The following PTPRT variants were observed in gnomAD, a reference collection of about 807,000 sequenced individuals.
The protein encoded by PTPRT is receptor-type tyrosine-protein phosphatase T.
Under a neutral mutation model 176.8 loss-of-function variants are expected in PTPRT, and 56 were observed. That is an observed-to-expected ratio of 0.32 (90% CI 0.26 to 0.40). The LOEUF is 0.40. Ranked by LOEUF, PTPRT falls within the 10% of genes least tolerant of loss-of-function variation. PTPRT has a pLI of 1.00. For synonymous variants in PTPRT, 783 were observed against 739.0 expected (o/e 1.06, Z -0.96); for missense variants, 1,540 against 1,908.2 (o/e 0.81, Z 3.60).
intron 2 of PTPRT, among the ~76,000 whole-genome samples, chr20:42,846,106 C>T (rs547255539): frequency 2.0e-5 from 3 of 152,300 alleles, no homozygotes; most frequent in South Asian, 2.1e-4. Context: ...TCACCCAGAA[C>T]CATGGATGCC....
At chr20:42,344,210 A>T (rs1362108716) in intron 11 of PTPRT, among the ~76,000 whole-genome samples, 5 of 152,204 alleles carry the variant, frequency 3.3e-5, no homozygotes, top group Non-Finnish European at 7.3e-5. Context: ...CCCAAAGAGC[A>T]TGTTGAACAA....
chr20:42,142,351 A>G (rs1282596130), intron 17 of PTPRT, among the ~76,000 whole-genome samples: 1 of 152,242 alleles, frequency 6.6e-6, no homozygotes, highest in African/African-American at 2.4e-5. Flanking sequence ...GGATATAGAG[A>G]AACAGACAAG....
At chr20:42,918,808 G>T (rs992558347) in intron 1 of PTPRT, among the ~76,000 whole-genome samples, 1 of 151,932 alleles carries the variant, frequency 6.6e-6, no homozygotes, top group South Asian at 2.1e-4. Flanking sequence ...TACTAGCTTC[G>T]AGTTTTGTGT....
intron 1 of PTPRT, among the ~76,000 whole-genome samples, chr20:43,045,273 TCCCTTC>T (rs1986785013): frequency 6.6e-6 from 1 of 152,138 alleles, no homozygotes; most frequent in East Asian, 1.9e-4. Flanking sequence ...CTAAAATTCC[TCCCTTC>T]AGTTAATTTC....
chr20:42,724,382 T>C (rs926479), intron 6 of PTPRT, among the ~76,000 whole-genome samples: 147,232 of 152,300 alleles, frequency 0.97, 71,204 homozygotes, highest in East Asian at 1. Context: ...CCTCTGGTGG[T>C]CAGTGGGGCT....
intron 1 of PTPRT, among the ~76,000 whole-genome samples, chr20:42,906,955 T>C (rs544599634): frequency 6.6e-6 from 1 of 152,102 alleles, no homozygotes; most frequent in Admixed American, 6.5e-5. Context: ...AGTTCAAAAT[T>C]ACCGCATCTA....
intron 1 of PTPRT, among the ~76,000 whole-genome samples, chr20:42,933,751 T>G (rs73907409): frequency 0.012 from 1,802 of 152,306 alleles, 33 homozygotes; most frequent in African/African-American, 0.041. Context: ...TGATTTACTT[T>G]AAAATGCAAC....
intron 4 of PTPRT, among the ~76,000 whole-genome samples, chr20:42,779,807 G>A (rs976794434): frequency 6.6e-6 from 1 of 151,378 alleles, no homozygotes; most frequent in Admixed American, 6.6e-5. Flanking sequence ...TTCCCTGTGA[G>A]GGAACAGTGT....
chr20:42,236,891 T>C (rs1216270281), intron 14 of PTPRT, among the ~76,000 whole-genome samples: 1 of 151,972 alleles, frequency 6.6e-6, no homozygotes, highest in Non-Finnish European at 1.5e-5. Context: ...ACTGACCCTG[T>C]GTGAATAGAA....
chr20:42,976,065 T>C (rs1164418542), intron 1 of PTPRT, among the ~76,000 whole-genome samples: 1 of 152,156 alleles, frequency 6.6e-6, no homozygotes, highest in African/African-American at 2.4e-5. Flanking sequence ...AAAATGAATG[T>C]ATACAGAGAG....
At chr20:42,166,945 G>T (rs1989851510) in intron 16 of PTPRT, among the ~76,000 whole-genome samples, 1 of 151,828 alleles carries the variant, frequency 6.6e-6, no homozygotes, top group South Asian at 2.1e-4. Flanking sequence ...AGGGGGGTCT[G>T]TTCATGTTGC....
intron 1 of PTPRT, among the ~76,000 whole-genome samples, chr20:42,898,878 G>A (rs1004411283): frequency 6.6e-6 from 1 of 152,178 alleles, no homozygotes; most frequent in Non-Finnish European, 1.5e-5. Context: ...AGAACAGGGG[G>A]AGAGAACAGT....
intron 1 of PTPRT, among the ~76,000 whole-genome samples, chr20:42,951,856 G>A (rs1981273254): frequency 6.6e-6 from 1 of 152,182 alleles, no homozygotes; most frequent in African/African-American, 2.4e-5. Flanking sequence ...CTCAGCTGTA[G>A]ATTGTGGATA....
chr20:42,101,362 T>C (rs1175012694), intron 26 of PTPRT, among the ~76,000 whole-genome samples: 1 of 152,160 alleles, frequency 6.6e-6, no homozygotes, highest in Non-Finnish European at 1.5e-5. Context: ...AGTGCATGGC[T>C]GGTAGTAGAT....
intron 9 of PTPRT, among the ~76,000 whole-genome samples, chr20:42,415,159 T>C (rs2059053567): frequency 6.6e-6 from 1 of 152,132 alleles, no homozygotes; most frequent in Non-Finnish European, 1.5e-5. Flanking sequence ...TATGGGACCA[T>C]AGGCAAGTTG....
At chr20:43,012,801 A>T (rs1276572319) in intron 1 of PTPRT, among the ~76,000 whole-genome samples, 1 of 152,088 alleles carries the variant, frequency 6.6e-6, no homozygotes, top group African/African-American at 2.4e-5. Context: ...CACCATCACC[A>T]TGGGGATGGC....
chr20:42,586,968 C>T (rs1273170321), intron 7 of PTPRT, among the ~76,000 whole-genome samples: 1 of 152,102 alleles, frequency 6.6e-6, no homozygotes, highest in Non-Finnish European at 1.5e-5. Context: ...CCCTGAATGC[C>T]CTGATGGACC....
intron 7 of PTPRT, among the ~76,000 whole-genome samples, chr20:42,511,115 T>G (rs1039064075): frequency 3.3e-5 from 5 of 152,088 alleles, no homozygotes; most frequent in Non-Finnish European, 7.4e-5. Context: ...CACATGATGC[T>G]CCATGCTGCC....
At chr20:42,657,855 A>G (rs2075152964) in intron 7 of PTPRT, among the ~76,000 whole-genome samples, 1 of 151,236 alleles carries the variant, frequency 6.6e-6, no homozygotes, top group African/African-American at 2.4e-5. Flanking sequence ...TGGCTGTAAC[A>G]CCTCACCAGT....
Sources: gnomAD v4.1 joint callset for allele counts (sites outside exome capture counted in the v4.1 genomes callset) on GRCh38, gnomAD v4.1.1 for gene constraint, MANE v1.5 for transcripts, NCBI Gene and HGNC (gene_info 2026-07-23, HGNC 2026-07-21) for gene names.